The following SRGAP1 variants were observed in gnomAD, a reference collection of about 807,000 sequenced individuals.
SRGAP1 encodes SLIT-ROBO Rho GTPase-activating protein 1.
A neutral mutation model predicts 121.9 loss-of-function variants in SRGAP1; 43 were observed. The ratio of observed to expected loss-of-function variants is 0.35; its 90% confidence interval spans 0.28 to 0.46. SRGAP1 has a LOEUF of 0.46. SRGAP1 is among the 20% of genes least tolerant of loss of function. The pLI, the probability that SRGAP1 is intolerant of heterozygous loss-of-function variation, is 1.00. For missense variants in SRGAP1, 1,102 were observed against 1,350.9 expected, an observed-to-expected ratio of 0.82 and a Z score of 2.89; for synonymous variants, 447 against 485.4, an observed-to-expected ratio of 0.92 and a Z score of 1.04.
At chr12:63,893,389 A>C (rs1900650835) in intron 1 of SRGAP1, among the ~76,000 whole-genome samples, 1 of 152,228 alleles carries the variant, frequency 6.6e-6, no homozygotes, top group African/African-American at 2.4e-5. Flanking sequence ...TCCCTGGCTA[A>C]GAAGAGACTG....
chr12:64,024,245 A>T (rs986240515), intron 4 of SRGAP1, among the ~76,000 whole-genome samples: 6 of 152,150 alleles, frequency 3.9e-5, no homozygotes, highest in African/African-American at 1.4e-4. Flanking sequence ...CCTGGGCAAC[A>T]TGGCAAAAAC....
At chr12:63,991,082 G>T (rs969855896) in intron 3 of SRGAP1, among the ~76,000 whole-genome samples, 3 of 152,150 alleles carry the variant, frequency 2.0e-5, no homozygotes, top group African/African-American at 7.2e-5. Flanking sequence ...AATAAAATGG[G>T]ACCATTTCCT....
chr12:63,896,589 G>A (rs1193685972), intron 1 of SRGAP1, among the ~76,000 whole-genome samples: 4 of 152,188 alleles, frequency 2.6e-5, no homozygotes, highest in Admixed American at 6.5e-5. Flanking sequence ...CCCTGTCTAA[G>A]TGGTCTAAAT....
intron 1 of SRGAP1, among the ~76,000 whole-genome samples, chr12:63,857,381 C>T (rs183332371): frequency 1.8e-4 from 26 of 142,422 alleles, no homozygotes; most frequent in Admixed American, 1.6e-3. Flanking sequence ...ACCTGGTCTG[C>T]AATTTACTTT....
chr12:64,044,274 C>A (rs955765555), intron 6 of SRGAP1, among the ~76,000 whole-genome samples: 21 of 152,142 alleles, frequency 1.4e-4, no homozygotes, highest in African/African-American at 5.1e-4. Flanking sequence ...ACTGAGTAGC[C>A]CAGTAATTGT....
chr12:64,109,213 A>G (rs1416448070), intron 16 of SRGAP1, 176 bp downstream of exon 16: 1 of 392,614 alleles, frequency 2.5e-6, no homozygotes, highest in South Asian at 1.3e-4. Flanking sequence ...CATCATTGAT[A>G]GATGAAAGCC....
intron 1 of SRGAP1, among the ~76,000 whole-genome samples, chr12:63,910,049 AC>A (rs1405753947): frequency 5.9e-5 from 9 of 152,254 alleles, no homozygotes; most frequent in Admixed American, 2.0e-4. Flanking sequence ...GATACAGTAG[AC>A]TAGCTGAATT....
At chr12:64,085,212 G>A (rs2035916417) in intron 10 of SRGAP1, among the ~76,000 whole-genome samples, 1 of 152,060 alleles carries the variant, frequency 6.6e-6, no homozygotes, top group South Asian at 2.1e-4. Context: ...TGTAAAATAA[G>A]GATAACAATA....
intron 1 of SRGAP1, among the ~76,000 whole-genome samples, chr12:63,952,188 C>T (rs1467977556): frequency 6.6e-6 from 1 of 151,948 alleles, no homozygotes; most frequent in African/African-American, 2.4e-5. Flanking sequence ...CCCTAGTGTA[C>T]CAAAAATAGT....
intron 1 of SRGAP1, among the ~76,000 whole-genome samples, chr12:63,928,686 G>A (rs907143650): frequency 7.3e-5 from 11 of 151,388 alleles, no homozygotes; most frequent in African/African-American, 2.7e-4. Context: ...ATGGTTTCAG[G>A]ATGATTCAAG....
intron 1 of SRGAP1, among the ~76,000 whole-genome samples, chr12:63,966,270 T>C (rs1005702162): frequency 6.6e-6 from 1 of 152,232 alleles, no homozygotes; most frequent in East Asian, 1.9e-4. Context: ...TTATTCTTTA[T>C]TGAGCATTTT....
At chr12:63,901,660 T>C (rs73315388) in intron 1 of SRGAP1, among the ~76,000 whole-genome samples, 2,056 of 152,332 alleles carry the variant, frequency 0.013, 50 homozygotes, top group African/African-American at 0.046. Context: ...CCCAACTGGA[T>C]TGTCTGAGCT....
chr12:63,964,604 C>T (rs1233162349), intron 1 of SRGAP1, among the ~76,000 whole-genome samples: 1 of 151,828 alleles, frequency 6.6e-6, no homozygotes, highest in African/African-American at 2.4e-5. Context: ...CGCTTGAGGC[C>T]TATATAACTC....
At chr12:64,054,958 A>G (rs990332634) in intron 6 of SRGAP1, among the ~76,000 whole-genome samples, 2 of 142,698 alleles carry the variant, frequency 1.4e-5, no homozygotes, top group Non-Finnish European at 3.0e-5. Context: ...TCATTGTTCA[A>G]TTCCCAACTA....
intron 1 of SRGAP1, among the ~76,000 whole-genome samples, chr12:63,890,233 C>T (rs949164624): frequency 2.6e-5 from 4 of 152,106 alleles, no homozygotes; most frequent in African/African-American, 4.8e-5. Flanking sequence ...AGCGTGAAAC[C>T]GTTTGTTTTT....
At chr12:63,859,414 G>A (rs574771814) in intron 1 of SRGAP1, among the ~76,000 whole-genome samples, 21 of 152,200 alleles carry the variant, frequency 1.4e-4, no homozygotes, top group African/African-American at 4.6e-4. Flanking sequence ...TGATACACTC[G>A]CCTCAGCCTC....
At chr12:63,956,512 A>G (rs1444520416) in intron 1 of SRGAP1, among the ~76,000 whole-genome samples, 1 of 152,246 alleles carries the variant, frequency 6.6e-6, no homozygotes, top group East Asian at 1.9e-4. Flanking sequence ...TTTAAAAGGA[A>G]AACAAAAAAA....
intron 3 of SRGAP1, among the ~76,000 whole-genome samples, chr12:64,012,781 G>A (rs2034290021): frequency 6.6e-6 from 1 of 151,720 alleles, no homozygotes; most frequent in South Asian, 2.1e-4. Flanking sequence ...AAACTCCTAG[G>A]CTCAGACAAC....
At position 64,157,325 on chromosome 12, in the gene SRGAP1, C is replaced by T. The variant is rs1303186062; in HGVS notation, c.*14653C>T. On this transcript the variant is annotated 3_prime_UTR_variant, in exon 22 of 22. Coordinates refer to ENST00000355086, the MANE Select transcript of SRGAP1 (RefSeq NM_020762.4). Reference sequence around the variant, plus strand: ...CTAGCTGCTGTAACAAACAACCCCCCAAACTCAGTAACACAATCAAGCTGT... The same window carrying T: ...CTAGCTGCTGTAACAAACAACCCCCTAAACTCAGTAACACAATCAAGCTGT... 1 of 152,144 alleles carries T rather than the reference C, an allele frequency of 6.6e-6. No homozygotes were observed. Among genetic ancestry groups the T allele is most frequent in the Non-Finnish European group, 1.5e-5 (1 of 68,040 alleles). 9.4% of individuals were successfully genotyped at this position (152,144 alleles called of 1,614,324 possible).
Sources: gnomAD v4.1 joint callset for allele counts (sites outside exome capture counted in the v4.1 genomes callset) on GRCh38, gnomAD v4.1.1 for gene constraint, MANE v1.5 for transcripts, NCBI Gene and HGNC (gene_info 2026-07-23, HGNC 2026-07-21) for gene names.